Variants in RICTOR observed in about 807,000 individuals in gnomAD.
The protein encoded by RICTOR is rapamycin-insensitive companion of mTOR.
In RICTOR, 49 loss-of-function variants were observed where a neutral mutation model predicts 214.9. The ratio of observed to expected loss-of-function variants is 0.23; its 90% CI spans 0.18 to 0.29. The LOEUF is 0.29. Ranked by LOEUF, RICTOR falls within the 10% of genes least tolerant of loss-of-function variation. RICTOR has a pLI of 1.00. For missense variants in RICTOR, 1,625 were observed against 2,047.0 expected (o/e 0.79, Z 3.98); for synonymous variants, 717 against 711.3 (o/e 1.01, Z -0.13).
intron 2 of RICTOR, among the ~76,000 whole-genome samples, chr5:39,036,519 G>A (rs1756708487): frequency 2.6e-5 from 4 of 152,132 alleles, no homozygotes; most frequent in Admixed American, 2.6e-4. Context: ...GACACAGACT[G>A]GCAAATTGGA....
At chr5:38,965,890 T>G (rs984638520) in intron 15 of RICTOR, among the ~76,000 whole-genome samples, 2 of 152,080 alleles carry the variant, frequency 1.3e-5, no homozygotes, top group African/African-American at 4.8e-5. Flanking sequence ...TTCAAAAGAT[T>G]TGCCATAGAA....
chr5:38,970,106 A>C (rs1433011939), intron 11 of RICTOR: 1 of 152,216 alleles, frequency 6.6e-6, no homozygotes, highest in Non-Finnish European at 1.5e-5. Context: ...CTTAGAAGCA[A>C]CAGGCTATAC....
intron 2 of RICTOR, among the ~76,000 whole-genome samples, chr5:39,044,327 G>A (rs1580177767): frequency 1.3e-5 from 2 of 151,992 alleles, no homozygotes; most frequent in South Asian, 4.1e-4. Context: ...TAAAGACTAT[G>A]TTTATTGTCC....
At chr5:38,945,894 A>C (rs1246730861) in intron 33 of RICTOR, among the ~76,000 whole-genome samples, 170 bp from the exon 34 acceptor site, 1 of 152,216 alleles carries the variant, frequency 6.6e-6, no homozygotes, top group Non-Finnish European at 1.5e-5. Context: ...GAAAGCCAGC[A>C]GATGTTTATT....
Position 38,991,008 on chromosome 5 carries a change from T to C in RICTOR, c.524A>G (p.Asp175Gly). 1 of 1,606,512 alleles carries C rather than the reference T, an allele frequency of 6.2e-7. No homozygotes were observed. Among genetic ancestry groups the C allele is most frequent in the South Asian group, 1.1e-5 (1 of 90,464 alleles). ...CATTCTGTCTCTTTCTTGAAGTCCATCATTTCCAACTGCAATTAATGAGTT... is the reference window on the plus strand; with the variant it reads ...CATTCTGTCTCTTTCTTGAAGTCCACCATTTCCAACTGCAATTAATGAGTT... ...VTNSLIAVGN[D>G]GLQERDRMVR... The change falls in exon 7 of 38, where the codon GAT (aspartate) becomes GGT (glycine). Residue 175 changes from aspartate to glycine, a missense_variant. By Grantham distance (94) the Asp-to-Gly change is moderately conservative. Coordinates refer to ENST00000357387, the MANE Select transcript of RICTOR (RefSeq NM_152756.5).
chr5:39,072,106 T>C (rs1292938844), intron 2 of RICTOR, among the ~76,000 whole-genome samples: 1 of 152,168 alleles, frequency 6.6e-6, no homozygotes, highest in Non-Finnish European at 1.5e-5. Context: ...GAAATACAGA[T>C]CTCAAACAAT....
intron 6 of RICTOR, 128 bp downstream of exon 6, chr5:38,996,691 T>G (rs1036183193): frequency 1.8e-6 from 1 of 551,026 alleles, no homozygotes; most frequent in Non-Finnish European, 3.2e-6. Flanking sequence ...TATAAAACTT[T>G]AATAAAAATG....
At chr5:39,021,339 T>C (rs1010563379) in intron 2 of RICTOR, among the ~76,000 whole-genome samples, 1 of 152,216 alleles carries the variant, frequency 6.6e-6, no homozygotes, top group African/African-American at 2.4e-5. Flanking sequence ...GTACCCATGG[T>C]CCAGCTCTGT....
At chr5:38,984,968 C>CA (rs1403412770) in intron 7 of RICTOR, among the ~76,000 whole-genome samples, 4 of 151,686 alleles carry the variant, frequency 2.6e-5, no homozygotes, top group East Asian at 3.9e-4. Flanking sequence ...TATATGCGTA[C>CA]CTTTTTTTTG....
intron 5 of RICTOR, among the ~76,000 whole-genome samples, chr5:38,999,055 A>ACCTAAAAT (rs370187881): frequency 0.013 from 1,852 of 147,118 alleles, 40 homozygotes; most frequent in African/African-American, 0.045. Flanking sequence ...AAAAAAACAA[A>ACCTAAAAT]CCTAAAATAA....
At chr5:39,030,727 T>C (rs1756217422) in intron 2 of RICTOR, among the ~76,000 whole-genome samples, 1 of 152,170 alleles carries the variant, frequency 6.6e-6, no homozygotes, top group Admixed American at 6.5e-5. Context: ...CTTTCAAGAA[T>C]TATTTTTCTA....
intron 7 of RICTOR, among the ~76,000 whole-genome samples, chr5:38,989,695 G>A (rs1362618384): frequency 6.6e-6 from 1 of 152,152 alleles, no homozygotes; most frequent in Admixed American, 6.5e-5. Flanking sequence ...CAAAGGATAT[G>A]AACAGACACT....
intron 2 of RICTOR, among the ~76,000 whole-genome samples, chr5:39,046,345 C>G (rs1315836064): frequency 1.0e-4 from 14 of 136,534 alleles, no homozygotes; most frequent in Admixed American, 9.0e-4. Flanking sequence ...GTCTGGGTAA[C>G]AGAACAAGAC....
intron 16 of RICTOR, among the ~76,000 whole-genome samples, chr5:38,963,532 T>A (rs142347934): frequency 3.9e-5 from 6 of 152,112 alleles, no homozygotes; most frequent in Admixed American, 3.9e-4. Context: ...TATATTTTTA[T>A]AAATTATATT....
chr5:39,001,270 A>G (rs947015079), intron 5 of RICTOR, among the ~76,000 whole-genome samples: 5 of 152,120 alleles, frequency 3.3e-5, no homozygotes, highest in Admixed American at 2.0e-4. Flanking sequence ...TAGAGAACCC[A>G]ACAATAGATT....
At position 39,021,021 on chromosome 5, in the gene RICTOR, A is replaced by C; in HGVS notation, c.195+18T>G. 8.3e-7 allele frequency: 1 copy of C among 1,206,552 alleles called. No homozygotes were observed. The highest frequency in any genetic ancestry group is 1.2e-6 in the Non-Finnish European group (1 of 808,250). The allele number at this position is 1,206,552 out of a possible 1,614,324, so 74.7% of individuals were successfully genotyped here. A position where few individuals can be genotyped will look rare whatever the true frequency, so the allele number is the denominator to read the frequency against. ...GAACAAAGAATTTTAGACAATAATA[A>C]AAATTCAAGTTACTTACCTTAGTAA... On this transcript the variant is annotated intron_variant, in intron 3 of 37. Transcript: ENST00000357387.
intron 7 of RICTOR, among the ~76,000 whole-genome samples, chr5:38,983,661 T>A (rs1257615754): frequency 1.3e-5 from 2 of 152,134 alleles, no homozygotes; most frequent in Non-Finnish European, 2.9e-5. Context: ...GCTAGTTACA[T>A]AATAAGAAAT....
Position 38,975,395 on chromosome 5 carries a change from C to G in RICTOR, c.889+142G>C. The stretch of plus-strand genomic sequence containing the variant: ...TTCACCATATTTTAATAATTTTGTA[C>G]GAGTTCCTTTGGTTCTAATAATAAT... On this transcript the variant is annotated intron_variant, in intron 10 of 37. Transcript: ENST00000357387. 6.4e-6 allele frequency: 4 copies of G among 624,756 alleles called. No individual in the cohort carries two copies. The South Asian group carries it at 8.6e-5, about 13-fold the overall frequency. 38.7% of individuals were successfully genotyped at this position (624,756 alleles called of 1,614,324 possible).
At position 38,990,958 on chromosome 5, in the gene RICTOR, A is replaced by G. The variant is rs2150082136; in HGVS notation, c.574T>C (p.Cys192Arg). 6.3e-7 allele frequency: 1 copy of G among 1,594,808 alleles called. No individual in the cohort carries two copies. Among genetic ancestry groups the G allele is most frequent in the South Asian group, 1.1e-5 (1 of 87,546 alleles). The change falls in exon 7 of 38, where the codon TGT becomes CGT. Residue 192 changes from cysteine to arginine, a missense_variant. Physicochemically the swap from Cys to Arg is radical, Grantham distance 180. Coordinates refer to ENST00000357387, the MANE Select transcript of RICTOR (RefSeq NM_152756.5). ...RMVRACIAII[C>R]ELALQNPEVV... ...TGAAGAAAATTCTGACCTAGTTCACAGATAATGGCAATGCATGCTCGGACC... is the reference window on the plus strand; with the variant it reads ...TGAAGAAAATTCTGACCTAGTTCACGGATAATGGCAATGCATGCTCGGACC...
Sources: gnomAD v4.1 joint callset for allele counts (sites outside exome capture counted in the v4.1 genomes callset) on GRCh38, gnomAD v4.1.1 for gene constraint, MANE v1.5 for transcripts, NCBI Gene and HGNC (gene_info 2026-07-23, HGNC 2026-07-21) for gene names.